The following SLC25A33 variants were observed in gnomAD, a reference collection of about 807,000 sequenced individuals.
SLC25A33 encodes solute carrier family 25 member 33.
In SLC25A33, 15 loss-of-function variants were observed where a neutral mutation model predicts 35.5. That is an observed-to-expected ratio of 0.42 (90% confidence interval 0.28 to 0.65). The LOEUF (loss-of-function observed/expected upper bound fraction) is 0.65. Among genes scored for constraint, SLC25A33 ranks in the 30% least tolerant of loss-of-function variants. SLC25A33 has a pLI of 0.20. For missense variants in SLC25A33, 257 were observed against 398.5 expected (o/e 0.64, Z 3.02); for synonymous variants, 136 against 148.7 (o/e 0.91, Z 0.62).
intron 6 of SLC25A33, among the ~76,000 whole-genome samples, chr1:9,580,671 C>T (rs866564979): frequency 1.3e-5 from 2 of 152,104 alleles, no homozygotes; most frequent in African/African-American, 2.4e-5. Flanking sequence ...GCCTGGCCAA[C>T]ATGGTGAAAC....
chr1:9,567,012 A>G (rs1643517231), intron 2 of SLC25A33, among the ~76,000 whole-genome samples: 1 of 152,016 alleles, frequency 6.6e-6, no homozygotes, highest in Non-Finnish European at 1.5e-5. Flanking sequence ...TGGGCAACAG[A>G]GCGAGACTCC....
intron 1 of SLC25A33, among the ~76,000 whole-genome samples, chr1:9,551,750 T>C (rs1643269710): frequency 1.3e-5 from 2 of 152,178 alleles, no homozygotes; most frequent in African/African-American, 4.8e-5. Context: ...GAAATCTCAA[T>C]TGAATAATTC....
intron 2 of SLC25A33, among the ~76,000 whole-genome samples, chr1:9,556,517 C>G (rs548549029): frequency 2.6e-5 from 4 of 152,172 alleles, no homozygotes; most frequent in Admixed American, 6.5e-5. Context: ...CATACCAGTT[C>G]AGCATCCCCA....
intron 2 of SLC25A33, 128 bp downstream of exon 2, chr1:9,553,933 G>C (rs1643304952): frequency 1.0e-5 from 11 of 1,102,688 alleles, no homozygotes; most frequent in Non-Finnish European, 1.4e-5. Flanking sequence ...TTAAGAATTA[G>C]ATTTCTTTAC....
chr1:9,556,539 C>G (rs1013533928), intron 2 of SLC25A33, among the ~76,000 whole-genome samples: 1 of 152,134 alleles, frequency 6.6e-6, no homozygotes, highest in South Asian at 2.1e-4. Context: ...TCCAGAAATA[C>G]AAAATGCTCC....
chr1:9,565,183 G>A (rs1423970803), intron 2 of SLC25A33, among the ~76,000 whole-genome samples: 16 of 152,146 alleles, frequency 1.1e-4, no homozygotes. Flanking sequence ...TGGTGGTGAT[G>A]GTTGCACAAC....
intron 5 of SLC25A33, among the ~76,000 whole-genome samples, chr1:9,577,893 A>T (rs537436508): frequency 6.6e-6 from 1 of 152,106 alleles, no homozygotes; most frequent in Non-Finnish European, 1.5e-5. Context: ...TTAGCCCCAA[A>T]TGTGAATAGC....
intron 2 of SLC25A33, among the ~76,000 whole-genome samples, chr1:9,558,163 T>G (rs1338758414): frequency 6.6e-6 from 1 of 152,236 alleles, no homozygotes; most frequent in African/African-American, 2.4e-5. Flanking sequence ...ACCTTGCTTC[T>G]AAGAAAGACT....
At chr1:9,542,958 C>A (rs1462336077) in intron 1 of SLC25A33, among the ~76,000 whole-genome samples, 1 of 151,384 alleles carries the variant, frequency 6.6e-6, no homozygotes, top group Non-Finnish European at 1.5e-5. Flanking sequence ...GCTGGGATTA[C>A]AGGCATGTGC....
intron 1 of SLC25A33, among the ~76,000 whole-genome samples, chr1:9,543,823 A>T (rs1417417882): frequency 6.6e-6 from 1 of 152,158 alleles, no homozygotes; most frequent in East Asian, 1.9e-4. Flanking sequence ...ATTTTAAACT[A>T]GGCCAGGTGT....
intron 2 of SLC25A33, among the ~76,000 whole-genome samples, chr1:9,566,861 A>T (rs900348572): frequency 6.6e-6 from 1 of 151,332 alleles, no homozygotes; most frequent in Non-Finnish European, 1.5e-5. Flanking sequence ...ATAATAATAA[A>T]TAAATAAAAA....
At chr1:9,568,832 C>T (rs924331448) in intron 3 of SLC25A33, among the ~76,000 whole-genome samples, 2 of 150,554 alleles carry the variant, frequency 1.3e-5, no homozygotes, top group African/African-American at 2.4e-5. Context: ...GGCGACAGAG[C>T]GAGACTCTGT....
intron 6 of SLC25A33, among the ~76,000 whole-genome samples, chr1:9,580,938 G>A (rs1031253966): frequency 6.6e-6 from 1 of 151,404 alleles, no homozygotes; most frequent in Non-Finnish European, 1.5e-5. Context: ...GCTACTTTGG[G>A]TAAGTTTATT....
In SLC25A33 at chr1:9,580,219, A is replaced by T. The variant is rs778426156; in HGVS notation, c.748A>T (p.Ile250Phe). ...AALSKGCASC[I>F]AYPHEVIRTR... Reference sequence around the variant, plus strand: ...TCTTTCTAAGGGCTGTGCCTCCTGCATTGCTTATCCACACGGTATGTTTTG... The same window carrying T: ...TCTTTCTAAGGGCTGTGCCTCCTGCTTTGCTTATCCACACGGTATGTTTTG... The change falls in exon 6 of 7, where the codon ATT becomes TTT. Residue 250 changes from isoleucine to phenylalanine, a missense_variant. Ile to Phe is a conservative substitution (Grantham distance 21, BLOSUM62 0). Coordinates refer to ENST00000302692, the MANE Select transcript of SLC25A33 (RefSeq NM_032315.3). 1 of 1,610,644 alleles carries T rather than the reference A, an allele frequency of 6.2e-7. No individual in the cohort carries two copies. The highest frequency in any genetic ancestry group is 2.2e-5 in the East Asian group (1 of 44,878).
Position 9,553,712 on chromosome 1 carries a change from C to A in SLC25A33, c.143C>A (p.Thr48Lys). The A allele has an allele frequency of 6.2e-7, 1 of 1,614,198 alleles. No individual in the cohort carries two copies. Among genetic ancestry groups the A allele is most frequent in the Non-Finnish European group, 8.5e-7 (1 of 1,180,040 alleles). ...CAGTCTTCAAGATTAGCTCTCCGGA[C>A]AGTCTACTATCCTCAGGTTCATCTG... is the stretch of plus-strand genomic sequence containing the variant. ...RLQSSRLALR[T>K]VYYPQVHLGT... Residue 48 changes from threonine (T) to lysine (K), a missense_variant, in exon 2 of 7, where the codon ACA (threonine) becomes AAA (lysine). Physicochemically the swap from Thr to Lys is moderately conservative, Grantham distance 78. Coordinates refer to ENST00000302692, the MANE Select transcript of SLC25A33 (RefSeq NM_032315.3).
intron 1 of SLC25A33, among the ~76,000 whole-genome samples, chr1:9,550,466 T>C (rs1643250240): frequency 6.6e-6 from 1 of 152,098 alleles, no homozygotes; most frequent in Non-Finnish European, 1.5e-5. Flanking sequence ...ACCCAGAAGC[T>C]CTTTTTCAAT....
At chr1:9,580,346 A>G (rs1358873298) in intron 6 of SLC25A33, 112 bp downstream of exon 6, 7 of 1,366,586 alleles carry the variant, frequency 5.1e-6, no homozygotes, top group Non-Finnish European at 7.0e-6. Flanking sequence ...CCTGCAGGTA[A>G]GGTCAGTGAG....
rs554069679 is a variant in SLC25A33 at position 9,568,089 on chromosome 1, G to A, written c.314+728G>A. Among the ~76,000 whole-genome samples the A allele has an allele frequency of 5.9e-5, 9 of 152,318 alleles. No homozygotes were observed. The South Asian group carries it at 6.2e-4, about 11-fold the overall frequency. ...TAGATAGGATAGAGAGGATAACAGT[G>A]TATGATTGTAAAAGTAACAGAGACA... On this transcript the variant is annotated intron_variant, in intron 3 of 6. Coordinates refer to ENST00000302692, the MANE Select transcript of SLC25A33 (RefSeq NM_032315.3).
chr1:9,571,623 GT>G (rs571414601), intron 4 of SLC25A33, among the ~76,000 whole-genome samples: 3,690 of 145,074 alleles, frequency 0.025, 145 homozygotes, highest in African/African-American at 0.085. Context: ...AAACAGAAGG[GT>G]TTTTTTTTTT....
Sources: gnomAD v4.1 joint callset for allele counts (sites outside exome capture counted in the v4.1 genomes callset) on GRCh38, gnomAD v4.1.1 for gene constraint, MANE v1.5 for transcripts, NCBI Gene and HGNC (gene_info 2026-07-23, HGNC 2026-07-21) for gene names.